Variants in NETO2 observed in about 807,000 individuals in gnomAD.
NETO2 encodes neuropilin and tolloid-like protein 2.
A neutral mutation model predicts 62.5 loss-of-function variants in NETO2; 28 were observed. The observed-to-expected ratio is 0.45, with a 90% CI of 0.33 to 0.61. NETO2 has a LOEUF of 0.61. Among genes scored for constraint, NETO2 ranks in the 20% least tolerant of loss-of-function variants. NETO2 has a pLI of 0.02. For synonymous variants in NETO2, 214 were observed against 219.1 expected (o/e 0.98, Z 0.21); for missense variants, 548 against 643.2 (o/e 0.85, Z 1.60).
intron 7 of NETO2, among the ~76,000 whole-genome samples, chr16:47,089,513 A>C (rs1963268624): frequency 6.6e-6 from 1 of 152,236 alleles, no homozygotes; most frequent in Admixed American, 6.5e-5. Flanking sequence ...ACTTAAGTTC[A>C]AATGATGTAT....
At chr16:47,117,541 G>C (rs1963947404) in intron 6 of NETO2, among the ~76,000 whole-genome samples, 1 of 151,984 alleles carries the variant, frequency 6.6e-6, no homozygotes, top group African/African-American at 2.4e-5. Context: ...CAATTACTTT[G>C]TTTTCAATCT....
chr16:47,087,227 T>C (rs1963211773), intron 7 of NETO2, among the ~76,000 whole-genome samples: 1 of 152,146 alleles, frequency 6.6e-6, no homozygotes, highest in Admixed American at 6.5e-5. Flanking sequence ...GTTTTCACTA[T>C]GTTGGCCAGG....
intron 6 of NETO2, among the ~76,000 whole-genome samples, chr16:47,111,226 T>C (rs965734286): frequency 6.6e-6 from 1 of 152,222 alleles, no homozygotes; most frequent in Non-Finnish European, 1.5e-5. Context: ...AGAAAGTGAC[T>C]AGGCTTGTAA....
chr16:47,086,142 T>C, intron 8 of NETO2, 84 bp downstream of exon 8: 7 of 832,330 alleles, frequency 8.4e-6, no homozygotes, highest in Non-Finnish European at 1.3e-5. Flanking sequence ...CTAAGCACTG[T>C]TGTAGAAAAT....
In NETO2 at chr16:47,078,421, A is replaced by G. The variant is rs1403418755; in HGVS notation, c.*4800T>C. Reference sequence around the variant, plus strand: ...TGGCCTGGAAGTTCATCTCTAATAAAAATCTACTGCTTTTAAAAAGCTTAC... The same window carrying G: ...TGGCCTGGAAGTTCATCTCTAATAAGAATCTACTGCTTTTAAAAAGCTTAC... On this transcript the variant is annotated 3_prime_UTR_variant, in exon 9 of 9. Coordinates refer to ENST00000562435, the MANE Select transcript of NETO2 (RefSeq NM_018092.5). 1 of 152,236 alleles carries G rather than the reference A, an allele frequency of 6.6e-6. No homozygotes were observed. Among genetic ancestry groups the G allele is most frequent in the Non-Finnish European group, 1.5e-5 (1 of 68,042 alleles). 9.4% of individuals were successfully genotyped at this position (152,236 alleles called of 1,614,324 possible). A position where few individuals can be genotyped will look rare whatever the true frequency, so the allele number is the denominator to read the frequency against.
chr16:47,085,162 G>A (rs904946726), intron 8 of NETO2, among the ~76,000 whole-genome samples: 1 of 152,162 alleles, frequency 6.6e-6, no homozygotes, highest in Non-Finnish European at 1.5e-5. Context: ...TGGGAATACA[G>A]CATAGGAAAT....
In NETO2 at chr16:47,083,758, A is replaced by G; in HGVS notation, c.1041T>C (p.His347=). 6.2e-7 allele frequency: 1 copy of G among 1,611,456 alleles called. No homozygotes were observed. The highest frequency in any genetic ancestry group is 1.1e-5 in the South Asian group (1 of 90,978). The change falls in exon 9 of 9, where the codon CAT becomes CAC. Residue 347 remains histidine, a synonymous_variant. Coordinates refer to ENST00000562435, the MANE Select transcript of NETO2 (RefSeq NM_018092.5). ...CTGAAGTAATGCCAATAATTGTTCCATGAGTCTTAGTGATTTGTTCAAATA... is the reference window on the plus strand; with the variant it reads ...CTGAAGTAATGCCAATAATTGTTCCGTGAGTCTTAGTGATTTGTTCAAATA... ...AGVFEQITKT[H]GTIIGITSGI... is the part of the protein sequence containing the mutation.
chr16:47,114,476 A>G (rs1431024857), intron 6 of NETO2, among the ~76,000 whole-genome samples: 3 of 87,028 alleles, frequency 3.4e-5, no homozygotes, highest in African/African-American at 1.3e-4. Flanking sequence ...TTTGAGATGG[A>G]GTCTCGCTCT....
intron 7 of NETO2, among the ~76,000 whole-genome samples, chr16:47,087,090 A>G (rs1963207842): frequency 6.7e-6 from 1 of 150,318 alleles, no homozygotes; most frequent in South Asian, 2.1e-4. Flanking sequence ...GTGCAGTGGC[A>G]TGATCTTGGC....
intron 6 of NETO2, among the ~76,000 whole-genome samples, chr16:47,121,273 G>C (rs1964034133): frequency 6.6e-6 from 1 of 152,092 alleles, no homozygotes; most frequent in Non-Finnish European, 1.5e-5. Context: ...CCCATGGTGG[G>C]CTGTGAGCAT....
At chr16:47,127,197 T>C (rs1239980629) in intron 4 of NETO2, among the ~76,000 whole-genome samples, 1 of 152,236 alleles carries the variant, frequency 6.6e-6, no homozygotes, top group Admixed American at 6.5e-5. Flanking sequence ...TGTTATTTTT[T>C]CATCTTGTTA....
intron 2 of NETO2, among the ~76,000 whole-genome samples, chr16:47,129,859 G>A (rs1964229882): frequency 6.6e-6 from 1 of 152,180 alleles, no homozygotes; most frequent in Admixed American, 6.5e-5. Context: ...ATTTTTAAAA[G>A]GGTATAAACT....
chr16:47,111,056 A>C (rs1363278298), intron 6 of NETO2, among the ~76,000 whole-genome samples: 1 of 152,226 alleles, frequency 6.6e-6, no homozygotes, highest in Non-Finnish European at 1.5e-5. Context: ...AGTTCTCATT[A>C]GTTTTCCATC....
At chr16:47,098,770 G>A (rs1963483698) in intron 7 of NETO2, among the ~76,000 whole-genome samples, 1 of 152,174 alleles carries the variant, frequency 6.6e-6, no homozygotes, top group Admixed American at 6.5e-5. Context: ...GTTAAGGGCA[G>A]CCAGAGAGAA....
rs1168808351 is a variant in NETO2 at position 47,077,729 on chromosome 16, G to A, written c.*5492C>T. On this transcript the variant is annotated 3_prime_UTR_variant, in exon 9 of 9. Transcript: ENST00000562435. ...GTATGACAAAGGTTGGAGGGTAAGA[G>A]AACTTTTAAATAACACTTGTTTCTT... 6.6e-6 allele frequency: 1 copy of A among 152,218 alleles called. No individual in the cohort carries two copies. The highest frequency in any genetic ancestry group is 1.9e-4 in the East Asian group (1 of 5,202). 9.4% of individuals were successfully genotyped at this position (152,218 alleles called of 1,614,324 possible). A position where few individuals can be genotyped will look rare whatever the true frequency, so the allele number is the denominator to read the frequency against.
chr16:47,117,070 A>G (rs1316954590), intron 6 of NETO2, among the ~76,000 whole-genome samples: 3 of 152,022 alleles, frequency 2.0e-5, no homozygotes, highest in Admixed American at 1.3e-4. Context: ...CATTTATCTT[A>G]TCTAAATAAC....
intron 6 of NETO2, among the ~76,000 whole-genome samples, chr16:47,121,204 A>G (rs1216677955): frequency 6.6e-6 from 1 of 152,090 alleles, no homozygotes; most frequent in Non-Finnish European, 1.5e-5. Flanking sequence ...TACGTGAAAC[A>G]CTCAAATTCT....
chr16:47,132,040 G>C lies in NETO2; in HGVS notation c.35-15C>G, dbSNP rs758362552. ...TATTAACAACACTAGAGAAATAACA[G>C]AGAAGAAAAGTTATGAAATTGAATC... is the stretch of plus-strand genomic sequence containing the variant. On this transcript the variant is annotated splice_polypyrimidine_tract_variant and intron_variant, in intron 1 of 8. Transcript: ENST00000562435. 1.9e-6 allele frequency: 3 copies of C among 1,598,300 alleles called. No homozygotes were observed. Among genetic ancestry groups the C allele is most frequent in the South Asian group, 1.1e-5 (1 of 90,066 alleles).
intron 7 of NETO2, among the ~76,000 whole-genome samples, chr16:47,089,499 TTAGACTTAAGTTCAAATGATGTATA>T: frequency 6.6e-6 from 1 of 152,344 alleles, no homozygotes. Context: ...TACTTCTGTT[TTAGACTTAAGTTCAAATGATGTATA>T]TATCTAATAA....
Sources: allele counts gnomAD v4.1 joint callset (sites outside exome capture counted in the v4.1 genomes callset), GRCh38; gene constraint gnomAD v4.1.1; transcripts MANE v1.5; gene names NCBI Gene and HGNC (gene_info 2026-07-23, HGNC 2026-07-21).